CYB5R4: variants seen among roughly 807,000 people sequenced by gnomAD.
CYB5R4 encodes N-terminal cytochrome b5 and cytochrome b5 oxidoreductase domain-containing protein.
A neutral mutation model predicts 70.2 loss-of-function variants in CYB5R4; 55 were observed. The ratio of observed to expected loss-of-function variants is 0.78; its 90% CI spans 0.63 to 0.98. The LOEUF (loss-of-function observed/expected upper bound fraction) is 0.98, where lower values mean the gene tolerates loss of function less well. Ranked by LOEUF, CYB5R4 falls within the 50% of genes least tolerant of loss-of-function variation. CYB5R4 has a pLI of 0.00. For synonymous variants in CYB5R4, 197 were observed against 199.5 expected, an observed-to-expected ratio of 0.99 and a Z score of 0.11; for missense variants, 562 against 612.6, an observed-to-expected ratio of 0.92 and a Z score of 0.87.
intron 12 of CYB5R4, among the ~76,000 whole-genome samples, chr6:83,939,217 C>G (rs2099469385): frequency 6.6e-6 from 1 of 152,118 alleles, no homozygotes; most frequent in Admixed American, 6.5e-5. Context: ...TATGAGCATC[C>G]AAGCATTTTA....
At chr6:83,954,047 T>C (rs1339806841) in intron 14 of CYB5R4, among the ~76,000 whole-genome samples, 3 of 152,172 alleles carry the variant, frequency 2.0e-5, no homozygotes, top group Admixed American at 2.0e-4. Flanking sequence ...CTGGCACTTT[T>C]GAAATTATAA....
chr6:83,893,452 C>T, intron 2 of CYB5R4, 70 bp from the exon 3 acceptor site: 1 of 878,526 alleles, frequency 1.1e-6, no homozygotes, highest in East Asian at 2.6e-5. Flanking sequence ...TTTATTGAAA[C>T]TTATATTTAT....
intron 12 of CYB5R4, among the ~76,000 whole-genome samples, chr6:83,938,993 C>T (rs2099469346): frequency 6.6e-6 from 1 of 151,822 alleles, no homozygotes; most frequent in Non-Finnish European, 1.5e-5. Flanking sequence ...TGCCACCATG[C>T]CTGGCTAATT....
chr6:83,915,899 G>C (rs2099465434), intron 5 of CYB5R4, among the ~76,000 whole-genome samples: 1 of 152,050 alleles, frequency 6.6e-6, no homozygotes. Flanking sequence ...CCTTCAAATT[G>C]ACGACATTCA....
At chr6:83,928,408 A>G (rs2129141178) in intron 10 of CYB5R4, among the ~76,000 whole-genome samples, 1 of 152,344 alleles carries the variant, frequency 6.6e-6, no homozygotes, top group East Asian at 1.9e-4. Flanking sequence ...GGTGGCCCCA[A>G]GTGAATAGAC....
chr6:83,924,394 T>A, intron 9 of CYB5R4, 76 bp from the exon 10 acceptor site: 2 of 1,470,692 alleles, frequency 1.4e-6, no homozygotes, highest in Non-Finnish European at 1.9e-6. Flanking sequence ...CTTGTACTAT[T>A]TGAGAAATAC....
Position 83,965,544 on chromosome 6 carries a change from C to T in CYB5R4, c.*5666C>T, listed in dbSNP as rs2099473928. ...AGTAACTAGCTTGCTTTTGATTTTA[C>T]AGGCTCATAAGTGGAAGGGACTTGC... On this transcript the variant is annotated 3_prime_UTR_variant, in exon 16 of 16. Transcript: ENST00000369681. The T allele has an allele frequency of 6.6e-6, 1 of 152,200 alleles. No homozygotes were observed. Among genetic ancestry groups the T allele is most frequent in the Admixed American group, 6.5e-5 (1 of 15,290 alleles). The allele number at this position is 152,200 out of a possible 1,614,324, so 9.4% of individuals were successfully genotyped here.
chr6:83,920,699 C>T (rs1427142236), intron 7 of CYB5R4, among the ~76,000 whole-genome samples: 2 of 125,282 alleles, frequency 1.6e-5, no homozygotes, highest in Non-Finnish European at 3.1e-5. Flanking sequence ...TAAAGATGAA[C>T]AACAAATATC....
chr6:83,908,221 A>C (rs1012521425), intron 3 of CYB5R4, among the ~76,000 whole-genome samples: 1 of 152,126 alleles, frequency 6.6e-6, no homozygotes, highest in Non-Finnish European at 1.5e-5. Context: ...GCATTTCTCA[A>C]ATGATCGGTA....
intron 2 of CYB5R4, among the ~76,000 whole-genome samples, chr6:83,874,166 C>G (rs1588560098): frequency 1.2e-5 from 1 of 83,994 alleles, no homozygotes; most frequent in Non-Finnish European, 2.3e-5. Flanking sequence ...TTCCCCTCCC[C>G]TCCCCTCCCC....
rs910937713 is a variant in CYB5R4 at position 83,936,522 on chromosome 6, G to A, written c.1108+146G>A. 2.1e-5 allele frequency: 14 copies of A among 673,748 alleles called. 1 individual carries two copies. The highest frequency in any genetic ancestry group is 9.7e-5 in the South Asian group (5 of 51,622). The allele number at this position is 673,748 out of a possible 1,614,324, so 41.7% of individuals were successfully genotyped here. ...TTATCTTCTCCTTGTCCTACACAGC[G>A]TGGCCATGCTCCATATTCCTTATTT... On this transcript the variant is annotated intron_variant, in intron 12 of 15. Coordinates refer to ENST00000369681, the MANE Select transcript of CYB5R4 (RefSeq NM_016230.4).
chr6:83,877,539 G>A (rs2099458764), intron 2 of CYB5R4, among the ~76,000 whole-genome samples: 1 of 152,014 alleles, frequency 6.6e-6, no homozygotes, highest in South Asian at 2.1e-4. Context: ...GTGAGAGAGG[G>A]GGAAGGGCAG....
At chr6:83,894,516 T>C (rs1269168658) in intron 3 of CYB5R4, among the ~76,000 whole-genome samples, 1 of 152,166 alleles carries the variant, frequency 6.6e-6, no homozygotes, top group Non-Finnish European at 1.5e-5. Flanking sequence ...AGAATTTGTT[T>C]TATATAGTTG....
chr6:83,903,963 A>G (rs2099463392), intron 3 of CYB5R4, among the ~76,000 whole-genome samples: 1 of 151,848 alleles, frequency 6.6e-6, no homozygotes, highest in Non-Finnish European at 1.5e-5. Context: ...TGGCTTATCA[A>G]TTTTGTTTTA....
At position 83,966,945 on chromosome 6, in the gene CYB5R4, GA is replaced by G; in HGVS notation, c.*7071del. 1 of 151,996 alleles carries G rather than the reference GA, an allele frequency of 6.6e-6. No homozygotes were observed. Among genetic ancestry groups the G allele is most frequent in the East Asian group, 1.9e-4 (1 of 5,192 alleles). The allele number at this position is 151,996 out of a possible 1,614,324, so 9.4% of individuals were successfully genotyped here. ...AATTTTAGTAAAATTACTGAACCAT[GA>G]AAAGTAAATGCCTTTAGTTATCTAA... is the stretch of plus-strand genomic sequence containing the variant. On this transcript the variant is annotated 3_prime_UTR_variant, in exon 16 of 16. Transcript: ENST00000369681.
intron 1 of CYB5R4, among the ~76,000 whole-genome samples, chr6:83,862,398 A>G (rs1385771280): frequency 1.3e-5 from 2 of 152,246 alleles, no homozygotes; most frequent in Non-Finnish European, 2.9e-5. Context: ...TCAGTTATAA[A>G]GTCATAAGTA....
At chr6:83,892,671 A>G (rs1313826881) in intron 2 of CYB5R4, among the ~76,000 whole-genome samples, 5 of 152,320 alleles carry the variant, frequency 3.3e-5, no homozygotes, top group African/African-American at 1.2e-4. Context: ...AATCTTTGAG[A>G]ATAGTTGGGC....
chr6:83,929,356 T>G (rs543502863), intron 10 of CYB5R4: 1 of 152,338 alleles, frequency 6.6e-6, no homozygotes, highest in South Asian at 2.1e-4. Flanking sequence ...TAAAAGAACT[T>G]GTTTGAAAAC....
intron 10 of CYB5R4, among the ~76,000 whole-genome samples, chr6:83,929,680 C>G (rs555959550): frequency 1.3e-5 from 2 of 152,102 alleles, no homozygotes; most frequent in African/African-American, 4.8e-5. Flanking sequence ...GGCTGAGGAA[C>G]TTCTCTATTA....
Sources: gnomAD v4.1 joint callset for allele counts (sites outside exome capture counted in the v4.1 genomes callset) on GRCh38, gnomAD v4.1.1 for gene constraint, MANE v1.5 for transcripts, NCBI Gene and HGNC (gene_info 2026-07-23, HGNC 2026-07-21) for gene names.